PPHLN1: variants seen among roughly 807,000 people sequenced by gnomAD.
The protein encoded by PPHLN1 is periphilin-1.
In PPHLN1, 29 loss-of-function variants were observed where a neutral mutation model predicts 51.3. The ratio of observed to expected loss-of-function variants is 0.57; its 90% CI spans 0.42 to 0.77. PPHLN1 has a LOEUF of 0.77. PPHLN1 is among the 30% of genes least tolerant of loss of function. The probability of loss-of-function intolerance (pLI) is 0.00; values close to 1 mark genes in which losing one functional copy is unlikely to be tolerated. For missense variants in PPHLN1, 436 were observed against 438.4 expected, an observed-to-expected ratio of 0.99 and a Z score of 0.05; for synonymous variants, 147 against 147.8, an observed-to-expected ratio of 0.99 and a Z score of 0.04.
At chr12:42,405,505 A>G (rs892193446) in intron 9 of PPHLN1, among the ~76,000 whole-genome samples, 75 of 152,352 alleles carry the variant, frequency 4.9e-4, no homozygotes, top group African/African-American at 1.8e-3. Context: ...ATGATTGTCT[A>G]ATGTCTGGTT....
intron 5 of PPHLN1, among the ~76,000 whole-genome samples, chr12:42,378,083 TA>T (rs2076423230): frequency 2.0e-5 from 3 of 149,536 alleles, no homozygotes; most frequent in Admixed American, 1.3e-4. Flanking sequence ...GCTATCTATC[TA>T]TCTTTCTCTT....
At chr12:42,387,291 C>G (rs2077270923) in intron 6 of PPHLN1, 165 bp from the exon 7 acceptor site, 1 of 671,242 alleles carries the variant, frequency 1.5e-6, no homozygotes, top group African/African-American at 1.9e-5. Flanking sequence ...GGTGCTTAGC[C>G]TCTGAGAGGT....
At chr12:42,329,297 G>A (rs1323350552) in intron 1 of PPHLN1, among the ~76,000 whole-genome samples, 3 of 151,860 alleles carry the variant, frequency 2.0e-5, no homozygotes, top group Non-Finnish European at 4.4e-5. Flanking sequence ...AGTAGAGATG[G>A]GGTTTCACCG....
At chr12:42,377,604 C>A (rs1272522102) in intron 5 of PPHLN1, among the ~76,000 whole-genome samples, 2 of 152,192 alleles carry the variant, frequency 1.3e-5, no homozygotes, top group South Asian at 4.1e-4. Context: ...GTGCTCTGCC[C>A]TTACGACCTG....
chr12:42,374,844 G>GTTT lies in PPHLN1; in HGVS notation c.300-8_300-6dup, dbSNP rs199720292. The stretch of plus-strand genomic sequence containing the variant: ...ATAGAGTATAATTAACTTATTTTAT[G>GTTT]TTTTTTTTTTTTTCAAAGGGACATG... On this transcript the variant is annotated intron_variant, in intron 4 of 9. Coordinates refer to ENST00000358314, the MANE Select transcript of PPHLN1 (RefSeq NM_201439.2). 229 of 1,318,260 alleles carry GTTT rather than the reference G, an allele frequency of 1.7e-4. No individual in the cohort carries two copies. The highest frequency in any genetic ancestry group is 3.7e-4 in the Admixed American group (17 of 45,870). The allele number at this position is 1,318,260 out of a possible 1,614,324, so 81.7% of individuals were successfully genotyped here. A position where few individuals can be genotyped will look rare whatever the true frequency, so the allele number is the denominator to read the frequency against.
At chr12:42,347,423 T>A (rs1346556148) in intron 2 of PPHLN1, among the ~76,000 whole-genome samples, 1 of 152,252 alleles carries the variant, frequency 6.6e-6, no homozygotes, top group Non-Finnish European at 1.5e-5. Flanking sequence ...TTCAGTGTTA[T>A]TATTTGTATT....
At chr12:42,348,276 A>ATTTTTTTTTTTTTTTTT (rs1213561958) in intron 2 of PPHLN1, among the ~76,000 whole-genome samples, 1 of 85,604 alleles carries the variant, frequency 1.2e-5, no homozygotes, top group African/African-American at 4.9e-5. Flanking sequence ...CACCTGGCTA[A>ATTTTTTTTTTTTTTTTT]TTTTTTTTTT....
intron 9 of PPHLN1, among the ~76,000 whole-genome samples, chr12:42,432,651 G>C (rs1365876121): frequency 1.3e-5 from 2 of 152,128 alleles, no homozygotes; most frequent in African/African-American, 4.8e-5. Flanking sequence ...GATTCTAAAT[G>C]TTCCAGTGTC....
chr12:42,410,535 C>T (rs935305833), intron 9 of PPHLN1, among the ~76,000 whole-genome samples: 31 of 152,274 alleles, frequency 2.0e-4, no homozygotes, highest in Admixed American at 3.9e-4. Context: ...CCTTGCATAT[C>T]GTAGACTTGC....
intron 2 of PPHLN1, among the ~76,000 whole-genome samples, chr12:42,345,380 A>T (rs1454369520): frequency 6.6e-6 from 1 of 151,718 alleles, no homozygotes; most frequent in Non-Finnish European, 1.5e-5. Context: ...TTTTTTTTTT[A>T]ATACCCTGCC....
intron 1 of PPHLN1, among the ~76,000 whole-genome samples, chr12:42,333,561 C>T (rs534770423): frequency 3.0e-4 from 46 of 152,160 alleles, no homozygotes; most frequent in Non-Finnish European, 6.3e-4. Context: ...TAGCTCACTG[C>T]AAGCTCCGCC....
rs531904474 is a variant in PPHLN1 at position 42,421,884 on chromosome 12, T to C, written c.910-19431T>C. ...TTTTTTTGGTGTAGGATTTTTGTTATTTTGTTTTTATTTTAATTTTACTTT... is the reference window on the plus strand; with the variant it reads ...TTTTTTTGGTGTAGGATTTTTGTTACTTTGTTTTTATTTTAATTTTACTTT... On this transcript the variant is annotated intron_variant, in intron 9 of 9. Transcript: ENST00000358314. Among the ~76,000 whole-genome samples the C allele has an allele frequency of 2.1e-4, 32 of 152,224 alleles. No homozygotes were observed. The South Asian group carries it at 6.4e-3, about 31-fold the overall frequency.
chr12:42,362,579 C>G (rs145355933), intron 4 of PPHLN1, among the ~76,000 whole-genome samples: 2 of 152,174 alleles, frequency 1.3e-5, no homozygotes, highest in African/African-American at 4.8e-5. Context: ...CCAAGGAGCA[C>G]GGGCCTTCTA....
intron 5 of PPHLN1, 182 bp downstream of exon 5, chr12:42,375,256 A>G (rs2076158937): frequency 2.1e-6 from 1 of 475,716 alleles, no homozygotes; most frequent in South Asian, 4.2e-5. Flanking sequence ...ATTTTTTTCA[A>G]ACTATTTGAA....
At chr12:42,333,491 TA>T (rs1426432339) in intron 1 of PPHLN1, among the ~76,000 whole-genome samples, 2 of 151,948 alleles carry the variant, frequency 1.3e-5, no homozygotes, top group South Asian at 2.1e-4. Context: ...TTTTTATTTT[TA>T]TTTTTTTTGA....
chr12:42,403,106 ATTG>A (rs1227492518), intron 9 of PPHLN1, among the ~76,000 whole-genome samples: 2 of 152,218 alleles, frequency 1.3e-5, no homozygotes, highest in African/African-American at 2.4e-5. Context: ...AGCTGTATCT[ATTG>A]TTGTAGGTTC....
At chr12:42,346,958 T>C in intron 2 of PPHLN1, 1 of 152,212 alleles carries the variant, frequency 6.6e-6, no homozygotes, top group East Asian at 1.9e-4. Context: ...ACCAGTCAGC[T>C]CACTGCAGCC....
chr12:42,331,950 A>G (rs1428394154), intron 1 of PPHLN1: 1 of 152,272 alleles, frequency 6.6e-6, no homozygotes, highest in Admixed American at 6.5e-5. Context: ...ATATGCCGCT[A>G]ATCAGGAAGC....
chr12:42,329,239 C>G (rs577377442), intron 1 of PPHLN1, among the ~76,000 whole-genome samples: 173 of 151,864 alleles, frequency 1.1e-3, no homozygotes, highest in African/African-American at 3.0e-3. Context: ...GTAGCTGGGA[C>G]TACAGGCGCC....
Sources: allele counts gnomAD v4.1 joint callset (sites outside exome capture counted in the v4.1 genomes callset), GRCh38; gene constraint gnomAD v4.1.1; transcripts MANE v1.5; gene names NCBI Gene and HGNC (gene_info 2026-07-23, HGNC 2026-07-21).